CRADD: variants seen among roughly 807,000 people sequenced by gnomAD.
The protein encoded by CRADD is death domain-containing protein CRADD.
A neutral mutation model predicts 15.5 loss-of-function variants in CRADD; 9 were observed. The ratio of observed to expected loss-of-function variants is 0.58; its 90% CI spans 0.35 to 1.01. The LOEUF (loss-of-function observed/expected upper bound fraction) is 1.01, where lower values mean the gene tolerates loss of function less well. CRADD is among the 50% of genes least tolerant of loss of function. The pLI, the probability that CRADD is intolerant of heterozygous loss-of-function variation, is 0.02. For missense variants in CRADD, 227 were observed against 250.3 expected (o/e 0.91, Z 0.63); for synonymous variants, 118 against 107.6 (o/e 1.10, Z -0.60).
chr12:93,776,050 A>T (rs890318977), intron 2 of CRADD, among the ~76,000 whole-genome samples: 3 of 152,202 alleles, frequency 2.0e-5, no homozygotes, highest in African/African-American at 7.2e-5. Context: ...TTATATGGAC[A>T]TTCAAGCACA....
At chr12:93,820,259 G>A (rs1436597332) in intron 2 of CRADD, among the ~76,000 whole-genome samples, 2 of 152,072 alleles carry the variant, frequency 1.3e-5, no homozygotes, top group African/African-American at 2.4e-5. Flanking sequence ...TGCCATCTTG[G>A]TTTACCCCTG....
intron 2 of CRADD, among the ~76,000 whole-genome samples, chr12:93,743,196 A>G (rs1956703067): frequency 2.0e-5 from 3 of 152,214 alleles, no homozygotes; most frequent in Non-Finnish European, 2.9e-5. Context: ...TAATGGAATC[A>G]GAATTTTGGA....
At chr12:93,889,908 A>T (rs552281612) in intron 2 of CRADD, among the ~76,000 whole-genome samples, 12 of 152,260 alleles carry the variant, frequency 7.9e-5, no homozygotes, top group African/African-American at 2.4e-4. Context: ...TCTAAAAGAC[A>T]ACTTGAAGGG....
chr12:93,766,766 TAAAG>T (rs1365856809), intron 2 of CRADD, among the ~76,000 whole-genome samples: 1 of 152,232 alleles, frequency 6.6e-6, no homozygotes, highest in African/African-American at 2.4e-5. Flanking sequence ...TGCTGGAAGA[TAAAG>T]AGTCAGACTT....
intron 2 of CRADD, among the ~76,000 whole-genome samples, chr12:93,835,457 T>C (rs1293007211): frequency 6.6e-6 from 1 of 152,232 alleles, no homozygotes; most frequent in Non-Finnish European, 1.5e-5. Flanking sequence ...AAAAACGAAG[T>C]ATGCTCTTTT....
At chr12:93,827,536 A>G (rs1174932018) in intron 2 of CRADD, among the ~76,000 whole-genome samples, 3 of 152,206 alleles carry the variant, frequency 2.0e-5, no homozygotes, top group African/African-American at 7.2e-5. Flanking sequence ...AAGTCTTTGC[A>G]TGGACATGGG....
chr12:93,708,252 C>T (rs988565352), intron 2 of CRADD: 3 of 152,128 alleles, frequency 2.0e-5, no homozygotes, highest in African/African-American at 7.2e-5. Context: ...TATAGACTAA[C>T]TGGTAAATAA....
chr12:93,785,676 A>G (rs935760816), intron 2 of CRADD, among the ~76,000 whole-genome samples: 3 of 152,208 alleles, frequency 2.0e-5, no homozygotes, highest in African/African-American at 7.2e-5. Context: ...TCAGAAATGC[A>G]AGCTCATGAT....
At chr12:93,784,056 G>A (rs965104661) in intron 2 of CRADD, among the ~76,000 whole-genome samples, 2 of 152,118 alleles carry the variant, frequency 1.3e-5, no homozygotes, top group Non-Finnish European at 2.9e-5. Flanking sequence ...CTTAGATTTA[G>A]TGCGACTTTC....
intron 2 of CRADD, among the ~76,000 whole-genome samples, chr12:93,799,313 G>T (rs1593000181): frequency 6.6e-6 from 1 of 152,208 alleles, no homozygotes; most frequent in East Asian, 1.9e-4. Flanking sequence ...GCAAATCTCA[G>T]TCACCTACAG....
At chr12:93,706,059 A>T (rs899705326) in intron 2 of CRADD, among the ~76,000 whole-genome samples, 1 of 152,226 alleles carries the variant, frequency 6.6e-6, no homozygotes, top group African/African-American at 2.4e-5. Flanking sequence ...CTTATAAAAA[A>T]TACATGTACT....
At chr12:93,773,635 A>G (rs535387197) in intron 2 of CRADD, among the ~76,000 whole-genome samples, 2 of 151,932 alleles carry the variant, frequency 1.3e-5, no homozygotes, top group Non-Finnish European at 2.9e-5. Context: ...GATATCTTTC[A>G]TCTAGTGGCC....
intron 2 of CRADD, among the ~76,000 whole-genome samples, chr12:93,680,874 A>G (rs1298127263): frequency 6.6e-6 from 1 of 152,112 alleles, no homozygotes; most frequent in Non-Finnish European, 1.5e-5. Flanking sequence ...TGTCATTCGT[A>G]GAGGTATAAT....
chr12:93,707,821 C>T (rs775163752), intron 2 of CRADD: 8 of 152,168 alleles, frequency 5.3e-5, no homozygotes, highest in Non-Finnish European at 1.2e-4. Context: ...TTATTACTCT[C>T]CTGAGGTTCA....
At chr12:93,732,676 C>T (rs1227496755) in intron 2 of CRADD, among the ~76,000 whole-genome samples, 1 of 152,142 alleles carries the variant, frequency 6.6e-6, no homozygotes, top group Non-Finnish European at 1.5e-5. Context: ...GGTTAAAATC[C>T]AGGCTCTACC....
intron 2 of CRADD, among the ~76,000 whole-genome samples, chr12:93,687,916 T>C (rs559920448): frequency 1.3e-5 from 2 of 152,308 alleles, no homozygotes; most frequent in Non-Finnish European, 2.9e-5. Flanking sequence ...GGAGTTTGAA[T>C]TGCTAGTGAA....
chr12:93,752,970 T>G (rs1282639414), intron 2 of CRADD, among the ~76,000 whole-genome samples: 1 of 152,078 alleles, frequency 6.6e-6, no homozygotes, highest in East Asian at 1.9e-4. Flanking sequence ...AACCATCAGA[T>G]CTTGTGAGAC....
chr12:93,758,189 A>G (rs1487413526), intron 2 of CRADD, among the ~76,000 whole-genome samples: 1 of 152,206 alleles, frequency 6.6e-6, no homozygotes, highest in Non-Finnish European at 1.5e-5. Flanking sequence ...TAGAATTAAA[A>G]CCAGTCTCTA....
At chr12:93,814,041 A>T (rs1593012168) in intron 2 of CRADD, among the ~76,000 whole-genome samples, 2 of 152,038 alleles carry the variant, frequency 1.3e-5, no homozygotes, top group Non-Finnish European at 2.9e-5. Flanking sequence ...GGCAGTAGAG[A>T]TGGTTGTCCG....
Sources: allele counts gnomAD v4.1 joint callset (sites outside exome capture counted in the v4.1 genomes callset), GRCh38; gene constraint gnomAD v4.1.1; transcripts MANE v1.5; gene names NCBI Gene and HGNC (gene_info 2026-07-23, HGNC 2026-07-21).